ADGRL4: variants seen among roughly 807,000 people sequenced by gnomAD.
ADGRL4 encodes EGF, latrophilin and seven transmembrane domain containing 1.
Under a neutral mutation model 74.8 loss-of-function variants are expected in ADGRL4, and 90 were observed. The ratio of observed to expected loss-of-function variants is 1.20; its 90% CI spans 1.02 to 1.43. ADGRL4 has a LOEUF of 1.43. Ranked by LOEUF, ADGRL4 falls within the 40% of genes most tolerant of loss-of-function variation. ADGRL4 has a pLI of 0.00. For missense variants in ADGRL4, 881 were observed against 814.3 expected (o/e 1.08, Z -1.00); for synonymous variants, 311 against 279.2 (o/e 1.11, Z -1.14).
At chr1:78,944,538 A>G (rs1407770580) in intron 3 of ADGRL4, among the ~76,000 whole-genome samples, 1 of 152,180 alleles carries the variant, frequency 6.6e-6, no homozygotes, top group Non-Finnish European at 1.5e-5. Flanking sequence ...CTAAAGGTAA[A>G]ATTACCATTC....
chr1:78,927,349 A>G (rs1413055225), intron 7 of ADGRL4, among the ~76,000 whole-genome samples: 1 of 152,132 alleles, frequency 6.6e-6, no homozygotes, highest in Non-Finnish European at 1.5e-5. Context: ...TCTTTAGAAG[A>G]AAAATAGTCC....
intron 12 of ADGRL4, among the ~76,000 whole-genome samples, chr1:78,910,121 G>C (rs1427242444): frequency 6.6e-6 from 1 of 151,728 alleles, no homozygotes; most frequent in African/African-American, 2.4e-5. Flanking sequence ...AATGAGTGTA[G>C]ATTGGAATAT....
In ADGRL4 at chr1:78,938,157, T is replaced by C. The variant is rs1649397253; in HGVS notation, c.519A>G (p.Leu173=). The C allele has an allele frequency of 1.2e-6, 2 of 1,612,998 alleles. No individual in the cohort carries two copies. The highest frequency in any genetic ancestry group is 2.2e-5 in the East Asian group (1 of 44,772). The change falls in exon 5 of 15, where the codon CTA becomes CTG. Residue 173 remains leucine, a synonymous_variant. Transcript: ENST00000370742. The part of the protein sequence containing the change: ...IEILAESSSL[L]GYKNNTISAK... Reference sequence around the variant, plus strand: ...CTGAGATAGTGTTGTTCTTGTAACCTAGTAATGAAGATGATTCAGCTAATA... The same window carrying C: ...CTGAGATAGTGTTGTTCTTGTAACCCAGTAATGAAGATGATTCAGCTAATA...
intron 2 of ADGRL4, among the ~76,000 whole-genome samples, chr1:78,958,936 C>T (rs1465146800): frequency 6.6e-6 from 1 of 152,210 alleles, no homozygotes; most frequent in South Asian, 2.1e-4. Context: ...CCTGATCCGT[C>T]AGCAGCCAAC....
At chr1:78,936,746 A>G (rs548129813) in intron 6 of ADGRL4, among the ~76,000 whole-genome samples, 1 of 152,332 alleles carries the variant, frequency 6.6e-6, no homozygotes, top group South Asian at 2.1e-4. Flanking sequence ...AGTGTCTACA[A>G]CTTACTAATG....
At chr1:78,933,588 G>C (rs1162518636) in intron 7 of ADGRL4, among the ~76,000 whole-genome samples, 6 of 151,280 alleles carry the variant, frequency 4.0e-5, no homozygotes, top group Non-Finnish European at 7.4e-5. Flanking sequence ...AGGGCAATCA[G>C]GCAAGAGAAA....
chr1:79,000,380 A>C (rs995197151), intron 2 of ADGRL4, among the ~76,000 whole-genome samples: 4 of 152,206 alleles, frequency 2.6e-5, no homozygotes, highest in African/African-American at 9.6e-5. Flanking sequence ...CCTAAAACTT[A>C]GTCTGTAAAG....
At chr1:79,006,585 G>A in intron 1 of ADGRL4, 48 bp downstream of exon 1, 1 of 1,532,840 alleles carries the variant, frequency 6.5e-7, no homozygotes, top group Non-Finnish European at 8.8e-7. Context: ...CCCTACAAGG[G>A]ATTGGTCCCT....
chr1:78,975,649 G>A (rs1315706446), intron 2 of ADGRL4, among the ~76,000 whole-genome samples: 1 of 151,774 alleles, frequency 6.6e-6, no homozygotes, highest in Admixed American at 6.6e-5. Context: ...TTATATATAA[G>A]CTTTTAAACT....
chr1:78,944,130 C>T (rs1649547278), intron 3 of ADGRL4, among the ~76,000 whole-genome samples: 1 of 152,090 alleles, frequency 6.6e-6, no homozygotes, highest in South Asian at 2.1e-4. Flanking sequence ...TTCTCTACTT[C>T]AAGGAACATG....
intron 12 of ADGRL4, among the ~76,000 whole-genome samples, chr1:78,909,419 G>A (rs945691270): frequency 6.6e-6 from 1 of 151,820 alleles, no homozygotes; most frequent in Admixed American, 6.6e-5. Context: ...CATGTGGAGA[G>A]GCATTTTTGG....
Position 78,891,621 on chromosome 1 carries a change from A to G in ADGRL4, c.1913T>C (p.Val638Ala), listed in dbSNP as rs1403030162. 4.3e-6 allele frequency: 7 copies of G among 1,613,530 alleles called. No homozygotes were observed. Among genetic ancestry groups the G allele is most frequent in the Admixed American group, 3.3e-5 (2 of 59,924 alleles). ...AGCTGTAACCACTGATGCGTGCACAACATGGAGAACCCCAAAGATCCAGGT... is the reference window on the plus strand; with the variant it reads ...AGCTGTAACCACTGATGCGTGCACAGCATGGAGAACCCCAAAGATCCAGGT... ...GTTWIFGVLHVVHASVVTAYL... is the reference protein window; with the variant it reads ...GTTWIFGVLHAVHASVVTAYL... The change falls in exon 14 of 15, where the codon GTT becomes GCT. Residue 638 changes from valine to alanine, a missense_variant. Val to Ala is a moderately conservative substitution (Grantham distance 64). Transcript: ENST00000370742.
chr1:78,894,287 T>A (rs528859090), intron 12 of ADGRL4, among the ~76,000 whole-genome samples: 290 of 151,994 alleles, frequency 1.9e-3, no homozygotes, highest in Non-Finnish European at 3.4e-3. Flanking sequence ...GCCTGAGAAT[T>A]TCATGTTGCC....
intron 3 of ADGRL4, among the ~76,000 whole-genome samples, chr1:78,945,901 G>A (rs992505466): frequency 6.6e-6 from 1 of 151,812 alleles, no homozygotes; most frequent in Non-Finnish European, 1.5e-5. Context: ...ATTTACAAAG[G>A]CCTCAGTATC....
chr1:78,908,873 A>G (rs1648697582), intron 12 of ADGRL4, among the ~76,000 whole-genome samples: 1 of 151,988 alleles, frequency 6.6e-6, no homozygotes, highest in Non-Finnish European at 1.5e-5. Flanking sequence ...TGTCTTAAGG[A>G]CATTATCTTT....
chr1:78,981,113 C>T (rs1650389127), intron 2 of ADGRL4, among the ~76,000 whole-genome samples: 3 of 151,850 alleles, frequency 2.0e-5, no homozygotes, highest in African/African-American at 4.8e-5. Context: ...ATCAGCCTCT[C>T]TATAGAACAG....
In ADGRL4 at chr1:78,975,711, C is replaced by T. The variant is rs190873175; in HGVS notation, c.173-29285G>A. On this transcript the variant is annotated intron_variant, in intron 2 of 14. Coordinates refer to ENST00000370742, the MANE Select transcript of ADGRL4 (RefSeq NM_022159.4). ...AAAACACTATAGAGTCACTATTTTGCGCTGGGCAAGGTATTATAATTATTA... is the reference window on the plus strand; with the variant it reads ...AAAACACTATAGAGTCACTATTTTGTGCTGGGCAAGGTATTATAATTATTA... Among the ~76,000 whole-genome samples, 56 of 151,744 alleles carry T rather than the reference C, an allele frequency of 3.7e-4. No individual in the cohort carries two copies. In the East Asian group the frequency reaches 7.2e-3, roughly 19 times the overall value.
chr1:78,987,213 G>T (rs905996541), intron 2 of ADGRL4, among the ~76,000 whole-genome samples: 7 of 151,738 alleles, frequency 4.6e-5, no homozygotes, highest in African/African-American at 1.7e-4. Context: ...TAAATGACAG[G>T]TCATCGTGAT....
intron 7 of ADGRL4, 146 bp downstream of exon 7, chr1:78,936,149 A>ATT: frequency 2.0e-6 from 1 of 500,920 alleles, no homozygotes; most frequent in Non-Finnish European, 3.2e-6. Context: ...AAAAAAAAAG[A>ATT]ATATGGATAT....
Sources: allele counts gnomAD v4.1 joint callset (sites outside exome capture counted in the v4.1 genomes callset), GRCh38; gene constraint gnomAD v4.1.1; transcripts MANE v1.5; gene names NCBI Gene and HGNC (gene_info 2026-07-23, HGNC 2026-07-21).